NXPH1: variants seen among roughly 807,000 people sequenced by gnomAD.
The protein encoded by NXPH1 is neurexophilin 1, also known as neurexophilin-1.
In NXPH1, 5 loss-of-function variants were observed where a neutral mutation model predicts 23.7. The observed-to-expected ratio is 0.21, with a 90% CI of 0.11 to 0.44. The LOEUF (loss-of-function observed/expected upper bound fraction) is 0.44. Among genes scored for constraint, NXPH1 ranks in the 20% least tolerant of loss-of-function variants. NXPH1 has a pLI of 0.99. For missense variants in NXPH1, 324 were observed against 321.6 expected, an observed-to-expected ratio of 1.01 and a Z score of -0.06; for synonymous variants, 144 against 122.2, an observed-to-expected ratio of 1.18 and a Z score of -1.18.
intron 2 of NXPH1, among the ~76,000 whole-genome samples, chr7:8,736,911 G>C (rs1444221384): frequency 6.6e-6 from 1 of 150,682 alleles, no homozygotes; most frequent in Admixed American, 6.6e-5. Context: ...GGTCTTTGTT[G>C]GTTTAAAGTC....
chr7:8,511,015 G>A (rs1305359992), intron 2 of NXPH1, among the ~76,000 whole-genome samples: 1 of 152,086 alleles, frequency 6.6e-6, no homozygotes, highest in Non-Finnish European at 1.5e-5. Flanking sequence ...ATCAATAAAG[G>A]AGGGGTCAAA....
intron 2 of NXPH1, among the ~76,000 whole-genome samples, chr7:8,665,628 T>C (rs1456538163): frequency 6.6e-6 from 1 of 152,042 alleles, no homozygotes; most frequent in Non-Finnish European, 1.5e-5. Context: ...ATTTTAACAA[T>C]ATTATTTCTT....
chr7:8,441,370 A>G (rs1476688097), intron 2 of NXPH1, among the ~76,000 whole-genome samples: 1 of 152,088 alleles, frequency 6.6e-6, no homozygotes, highest in African/African-American at 2.4e-5. Context: ...GGATGTCAGC[A>G]CTAACCCCCT....
At chr7:8,747,360 G>T (rs755763610) in intron 2 of NXPH1, among the ~76,000 whole-genome samples, 6 of 152,192 alleles carry the variant, frequency 3.9e-5, no homozygotes, top group Non-Finnish European at 7.3e-5. Context: ...TTTTTGAATA[G>T]ATTGATTCTT....
At chr7:8,669,656 G>A (rs1379443479) in intron 2 of NXPH1, among the ~76,000 whole-genome samples, 2 of 152,076 alleles carry the variant, frequency 1.3e-5, no homozygotes, top group Non-Finnish European at 2.9e-5. Context: ...ATGTGTGCTT[G>A]CCCAGCTGTG....
At chr7:8,594,199 A>G (rs566943733) in intron 2 of NXPH1, among the ~76,000 whole-genome samples, 1 of 152,206 alleles carries the variant, frequency 6.6e-6, no homozygotes, top group South Asian at 2.1e-4. Flanking sequence ...ATGCTGATGA[A>G]ATGACACGCA....
At chr7:8,745,699 T>A (rs1780456699) in intron 2 of NXPH1, among the ~76,000 whole-genome samples, 1 of 150,454 alleles carries the variant, frequency 6.6e-6, no homozygotes, top group Non-Finnish European at 1.5e-5. Context: ...ACTACAGGCA[T>A]GTGCCACCAC....
chr7:8,743,041 C>T (rs1433758255), intron 2 of NXPH1, among the ~76,000 whole-genome samples: 1 of 152,000 alleles, frequency 6.6e-6, no homozygotes, highest in Non-Finnish European at 1.5e-5. Context: ...ATATAGTGTG[C>T]CCTTAACCAA....
chr7:8,445,110 A>G (rs773621302), intron 2 of NXPH1, among the ~76,000 whole-genome samples: 1 of 152,202 alleles, frequency 6.6e-6, no homozygotes, highest in East Asian at 1.9e-4. Flanking sequence ...GAGCTCTTTT[A>G]TTTATATTTA....
At chr7:8,531,656 G>A (rs537338664) in intron 2 of NXPH1, among the ~76,000 whole-genome samples, 47 of 152,134 alleles carry the variant, frequency 3.1e-4, no homozygotes, top group Non-Finnish European at 4.4e-4. Flanking sequence ...TTCTTTGCTT[G>A]CTTTTGTAAA....
In NXPH1 at chr7:8,435,431, C is replaced by T. The variant is rs1296880887; in HGVS notation, c.-110-173C>T. The T allele has an allele frequency of 3.9e-6, 2 of 512,348 alleles. No individual in the cohort carries two copies. The highest frequency in any genetic ancestry group is 7.0e-6 in the Non-Finnish European group (2 of 285,408). The allele number at this position is 512,348 out of a possible 1,614,324, so 31.7% of individuals were successfully genotyped here. ...GCCCGCCCGCCTCCCCAGCTGCGGA[C>T]CGCGCGCTTGCTGGTCTCAGGCGCT... On this transcript the variant is annotated intron_variant, in intron 1 of 2. Coordinates refer to ENST00000405863, the MANE Select transcript of NXPH1 (RefSeq NM_152745.3). The surrounding 1 kb of genome is among the most constrained non-coding windows in gnomAD (Gnocchi z 5.9).
At chr7:8,508,421 A>G (rs2128613586) in intron 2 of NXPH1, among the ~76,000 whole-genome samples, 1 of 152,266 alleles carries the variant, frequency 6.6e-6, no homozygotes, top group Middle Eastern at 3.4e-3. Flanking sequence ...AATGAAGCAA[A>G]TATCTGTCGC....
At chr7:8,572,563 T>C (rs948980734) in intron 2 of NXPH1, among the ~76,000 whole-genome samples, 1 of 151,998 alleles carries the variant, frequency 6.6e-6, no homozygotes, top group Non-Finnish European at 1.5e-5. Context: ...ACAGTAGACA[T>C]AGAGCTGTGA....
intron 2 of NXPH1, among the ~76,000 whole-genome samples, chr7:8,513,136 G>A (rs1254968583): frequency 6.6e-6 from 1 of 152,126 alleles, no homozygotes; most frequent in Non-Finnish European, 1.5e-5. Flanking sequence ...AACTACCCAA[G>A]TAATGAGAGA....
chr7:8,725,497 A>AAG (rs1280031744), intron 2 of NXPH1, among the ~76,000 whole-genome samples: 20 of 151,970 alleles, frequency 1.3e-4, no homozygotes, highest in Non-Finnish European at 2.5e-4. Flanking sequence ...CTCAAAAAAA[A>AAG]AAAAAAAAAA....
intron 2 of NXPH1, among the ~76,000 whole-genome samples, chr7:8,609,790 A>G (rs1236324252): frequency 1.3e-5 from 2 of 152,204 alleles, no homozygotes; most frequent in African/African-American, 4.8e-5. Flanking sequence ...TAATTTTAAC[A>G]TAACAGAGAC....
At chr7:8,629,684 C>G (rs1162736057) in intron 2 of NXPH1, among the ~76,000 whole-genome samples, 1 of 152,136 alleles carries the variant, frequency 6.6e-6, no homozygotes, top group East Asian at 1.9e-4. Context: ...GCTTTGATTG[C>G]TGTCCAAACG....
At chr7:8,730,779 T>C (rs1780139086) in intron 2 of NXPH1, among the ~76,000 whole-genome samples, 1 of 151,062 alleles carries the variant, frequency 6.6e-6, no homozygotes, top group African/African-American at 2.4e-5. Flanking sequence ...TAACATTTTT[T>C]CCTGCATTTC....
chr7:8,750,284 G>A (rs995805048), intron 2 of NXPH1, among the ~76,000 whole-genome samples: 6 of 152,316 alleles, frequency 3.9e-5, no homozygotes, highest in African/African-American at 9.6e-5. Context: ...TCTAAAGGGT[G>A]TCAGTTGACA....
Sources: allele counts gnomAD v4.1 joint callset (sites outside exome capture counted in the v4.1 genomes callset), GRCh38; gene constraint gnomAD v4.1.1; non-coding constraint Gnocchi (gnomAD v3.1); transcripts MANE v1.5; gene names NCBI Gene and HGNC (gene_info 2026-07-23, HGNC 2026-07-21).